C5orf52: variants seen among roughly 807,000 people sequenced by gnomAD.
C5orf52 encodes the protein chromosome 5 open reading frame 52.
In C5orf52, 15 loss-of-function variants were observed where a neutral mutation model predicts 16.8. The ratio of observed to expected loss-of-function variants is 0.89; its 90% CI spans 0.60 to 1.38. The LOEUF (loss-of-function observed/expected upper bound fraction) is 1.38, where lower values mean the gene tolerates loss of function less well. Ranked by LOEUF, C5orf52 falls within the 40% of genes most tolerant of loss-of-function variation. The pLI, the probability that C5orf52 is intolerant of heterozygous loss-of-function variation, is 0.00. For missense variants in C5orf52, 206 were observed against 213.1 expected (o/e 0.97, Z 0.21); for synonymous variants, 83 against 87.2 (o/e 0.95, Z 0.27).
chr5:157,679,745 C>T, intron 2 of C5orf52, 96 bp from the exon 3 acceptor site: 1 of 1,176,326 alleles, frequency 8.5e-7, no homozygotes, highest in Non-Finnish European at 1.2e-6. Flanking sequence ...TTTCCCACTC[C>T]CCCATCAGTA....
At chr5:157,673,175 C>CA (rs1389108540) in intron 1 of C5orf52, among the ~76,000 whole-genome samples, 1 of 151,474 alleles carries the variant, frequency 6.6e-6, no homozygotes, top group African/African-American at 2.4e-5. Context: ...CTGTCTCTAC[C>CA]AAAAATGCAA....
At chr5:157,671,880 C>A in intron 1 of C5orf52, 54 bp downstream of exon 1, 1 of 1,243,918 alleles carries the variant, frequency 8.0e-7, no homozygotes. Context: ...GCGAGGGAAC[C>A]CTAACTCTTT....
intron 2 of C5orf52, among the ~76,000 whole-genome samples, chr5:157,678,105 A>G (rs1202666459): frequency 1.3e-5 from 2 of 152,340 alleles, no homozygotes; most frequent in African/African-American, 4.8e-5. Context: ...TCCAAACCCT[A>G]TTAAGCAAGA....
At chr5:157,673,687 G>T (rs892492371) in intron 1 of C5orf52, among the ~76,000 whole-genome samples, 6 of 150,716 alleles carry the variant, frequency 4.0e-5, no homozygotes, top group African/African-American at 1.2e-4. Context: ...TCACTCTGTC[G>T]CCCAGGCTGG....
chr5:157,678,517 C>T (rs1328148252), intron 2 of C5orf52, among the ~76,000 whole-genome samples: 2 of 152,158 alleles, frequency 1.3e-5, no homozygotes, highest in South Asian at 2.1e-4. Context: ...AGTGCAGTGG[C>T]ATAATCTCGG....
rs1422673569 is a variant in C5orf52 at position 157,671,580 on chromosome 5, C to T, written c.-35C>T. 2.0e-6 allele frequency: 3 copies of T among 1,518,014 alleles called. No homozygotes were observed. In the South Asian group the frequency reaches 3.7e-5, roughly 19 times the overall value. The allele number at this position is 1,518,014 out of a possible 1,614,324, so 94.0% of individuals were successfully genotyped here. ...CCTAGGTGGGCTGGCAACCAGCCAC[C>T]AGTTTCCAACTCTTTCTCCAACAGG... On this transcript the variant is annotated 5_prime_UTR_variant, in exon 1 of 3. Transcript: ENST00000409999.
intron 2 of C5orf52, among the ~76,000 whole-genome samples, chr5:157,677,580 G>A (rs746538316): frequency 6.6e-6 from 1 of 151,082 alleles, no homozygotes; most frequent in Non-Finnish European, 1.5e-5. Flanking sequence ...CTTGAACCCT[G>A]GAGGCCGAGG....
upstream of C5orf52, chr5:157,671,478 T>G: frequency 1.5e-6 from 1 of 677,488 alleles, no homozygotes; most frequent in Non-Finnish European, 2.5e-6. Context: ...CCGCAGCCAA[T>G]ATGTGTCTCC....
chr5:157,672,660 T>C (rs1218912461), intron 1 of C5orf52, among the ~76,000 whole-genome samples: 2 of 151,918 alleles, frequency 1.3e-5, no homozygotes, highest in African/African-American at 2.4e-5. Flanking sequence ...GTCAGAAAAA[T>C]GTAAATGGGA....
intron 1 of C5orf52, among the ~76,000 whole-genome samples, chr5:157,673,345 A>AAAAAT (rs889993052): frequency 3.2e-5 from 4 of 126,810 alleles, no homozygotes; most frequent in African/African-American, 1.6e-4. Flanking sequence ...TCAAAGAAAT[A>AAAAAT]AAAATAAAAT....
At chr5:157,677,750 G>A (rs759170492) in intron 2 of C5orf52, among the ~76,000 whole-genome samples, 2 of 152,002 alleles carry the variant, frequency 1.3e-5, no homozygotes, top group Non-Finnish European at 2.9e-5. Flanking sequence ...TTGGGAGGCT[G>A]AGGCAGGTGC....
intron 2 of C5orf52, among the ~76,000 whole-genome samples, chr5:157,679,140 G>GAA (rs368508408): frequency 7.3e-6 from 1 of 137,312 alleles, no homozygotes; most frequent in African/African-American, 2.7e-5. Context: ...TCTCAAAAAA[G>GAA]AAAAAAAAAA....
intron 2 of C5orf52, among the ~76,000 whole-genome samples, chr5:157,676,601 G>T (rs1315062481): frequency 1.3e-5 from 2 of 152,190 alleles, no homozygotes; most frequent in Non-Finnish European, 2.9e-5. Flanking sequence ...CCAGCTTTGT[G>T]TGACCCTGTG....
chr5:157,672,819 C>T (rs998745066), intron 1 of C5orf52, among the ~76,000 whole-genome samples: 1 of 152,022 alleles, frequency 6.6e-6, no homozygotes, highest in African/African-American at 2.4e-5. Flanking sequence ...CCATGCTCGG[C>T]TAATTTTTGT....
At chr5:157,676,134 C>T (rs539266313) in intron 2 of C5orf52, among the ~76,000 whole-genome samples, 42 of 152,180 alleles carry the variant, frequency 2.8e-4, no homozygotes, top group African/African-American at 9.6e-4. Flanking sequence ...AGTGCAGTGG[C>T]GCTATCTCAA....
chr5:157,676,956 C>A (rs1299982899), intron 2 of C5orf52, among the ~76,000 whole-genome samples: 6 of 150,306 alleles, frequency 4.0e-5, no homozygotes, highest in Admixed American at 2.7e-4. Flanking sequence ...GTAGCCTCAA[C>A]CTCCTGAGTT....
chr5:157,676,874 T>TTTC (rs1238706417), intron 2 of C5orf52, among the ~76,000 whole-genome samples: 1 of 142,038 alleles, frequency 7.0e-6, no homozygotes, highest in Non-Finnish European at 1.5e-5. Flanking sequence ...TTTTTTTCTT[T>TTTC]TTTTTTTTTT....
intron 2 of C5orf52, among the ~76,000 whole-genome samples, chr5:157,677,665 AAAAAGAAAAG>A (rs1238222449): frequency 7.0e-5 from 10 of 142,448 alleles, no homozygotes; most frequent in African/African-American, 1.4e-4. Context: ...AAAAAAAAAA[AAAAAGAAAAG>A]AAAAGAAAAG....
At position 157,673,920 on chromosome 5, in the gene C5orf52, A is replaced by G. The variant is rs144693944; in HGVS notation, c.213-1172A>G. Among the ~76,000 whole-genome samples, 1,057 of 152,336 alleles carry G rather than the reference A, an allele frequency of 6.9e-3. 11 individuals carry two copies. The highest frequency in any genetic ancestry group is 0.024 in the African/African-American group (993 of 41,588). ...TTCAGCCTCCCAAAGTGCTGGGACT[A>G]CAGGCGTGAGCCAACTTGCCCGGTC... On this transcript the variant is annotated intron_variant, in intron 1 of 2. Transcript: ENST00000409999.
Sources: allele counts gnomAD v4.1 joint callset (sites outside exome capture counted in the v4.1 genomes callset), GRCh38; gene constraint gnomAD v4.1.1; transcripts MANE v1.5; gene names NCBI Gene and HGNC (gene_info 2026-07-23, HGNC 2026-07-21).